Variants in CFAP300 observed in about 807,000 individuals in gnomAD.
CFAP300 encodes cilia and flagella associated protein 300.
A neutral mutation model predicts 33.0 loss-of-function variants in CFAP300; 32 were observed. The ratio of observed to expected loss-of-function variants is 0.97; its 90% CI spans 0.73 to 1.30. The LOEUF is 1.30. CFAP300 is among the 50% of genes most tolerant of loss of function. The probability of loss-of-function intolerance (pLI) is 0.00; values close to 1 mark genes in which losing one functional copy is unlikely to be tolerated. For synonymous variants in CFAP300, 102 were observed against 106.8 expected (o/e 0.95, Z 0.28); for missense variants, 356 against 318.1 (o/e 1.12, Z -0.90).
At chr11:102,049,574 A>G (rs1941938354) in intron 2 of CFAP300, among the ~76,000 whole-genome samples, 1 of 152,158 alleles carries the variant, frequency 6.6e-6, no homozygotes, top group Non-Finnish European at 1.5e-5. Context: ...TGCTACTGAT[A>G]ATGACATTAA....
intron 5 of CFAP300, among the ~76,000 whole-genome samples, chr11:102,076,732 T>A (rs1942400344): frequency 6.6e-6 from 1 of 152,228 alleles, no homozygotes; most frequent in Non-Finnish European, 1.5e-5. Flanking sequence ...AATTAGCTTC[T>A]CATTGGACTC....
At chr11:102,066,733 C>T in intron 4 of CFAP300, 82 bp downstream of exon 4, 2 of 1,148,862 alleles carry the variant, frequency 1.7e-6, no homozygotes, top group Non-Finnish European at 2.5e-6. Context: ...CTGCTTAAAG[C>T]ATAAAATACC....
chr11:102,069,037 C>T lies in CFAP300; in HGVS notation c.435+2386C>T, dbSNP rs114966333. 9.0e-3 allele frequency among the ~76,000 whole-genome samples: 1,373 copies of T among 152,250 alleles called. 22 individuals are homozygous for T. The highest frequency in any genetic ancestry group is 0.031 in the African/African-American group (1,299 of 41,532). On this transcript the variant is annotated intron_variant, in intron 4 of 6. Coordinates refer to ENST00000434758, the MANE Select transcript of CFAP300 (RefSeq NM_032930.3). ...CTACAGAAAGAGCATCATCAGTGGA[C>T]ATTTTTTTTAAAAAAGAAGTATTAG...
Position 102,066,529 on chromosome 11 carries a change from C to T in CFAP300, c.313C>T (p.Gln105Ter). ...TGAAGCTATAAATGTTCCTTGCACA[C>T]AGCTTTCAATGTCATTTTTTCATCG... is the stretch of plus-strand genomic sequence containing the variant. ...KIEAINVPCT[Q>*]LSMSFFHRLY... Residue 105 changes from glutamine to a stop codon, truncating the protein, a stop_gained, in exon 4 of 7, where the codon CAG (glutamine) becomes TAG (stop). Transcript: ENST00000434758. LOFTEE classifies it high-confidence loss of function. The T allele has an allele frequency of 1.4e-5, 22 of 1,611,052 alleles. No homozygotes were observed. Among genetic ancestry groups the T allele is most frequent in the Non-Finnish European group, 1.8e-5 (21 of 1,179,050 alleles).
rs200678336 is a variant in CFAP300, at chr11:102,065,838, A to G, written c.269-647A>G. The stretch of plus-strand genomic sequence containing the variant: ...TAAAAAATCATACGAAGCAATTCCT[A>G]TGCTTTTATAGGCAATTCTGATAAT... On this transcript the variant is annotated intron_variant, in intron 3 of 6. Transcript: ENST00000434758. Among the ~76,000 whole-genome samples the G allele has an allele frequency of 1.2e-4, 19 of 152,294 alleles. 1 individual carries two copies. The East Asian group carries it at 3.7e-3, about 29-fold the overall frequency.
chr11:102,051,872 G>A (rs989496132), intron 2 of CFAP300, among the ~76,000 whole-genome samples: 1 of 152,070 alleles, frequency 6.6e-6, no homozygotes, highest in Non-Finnish European at 1.5e-5. Context: ...TATGAAACAA[G>A]TTTATTTAAC....
rs191573391 is a variant in CFAP300 at position 102,058,968 on chromosome 11, T to C, written c.268+13T>C. Reference sequence around the variant, plus strand: ...TGGATCATATTAGGTAAATAAAATTTTCATCTTTTCAGATACTATTTTACT... The same window carrying C: ...TGGATCATATTAGGTAAATAAAATTCTCATCTTTTCAGATACTATTTTACT... On this transcript the variant is annotated intron_variant, in intron 3 of 6. Transcript: ENST00000434758. 4,437 of 1,448,906 alleles carry C rather than the reference T, an allele frequency of 3.1e-3. 11 individuals are homozygous for C. Among genetic ancestry groups the C allele is most frequent in the Admixed American group, 5.2e-3 (226 of 43,404 alleles). The allele number at this position is 1,448,906 out of a possible 1,614,324, so 89.8% of individuals were successfully genotyped here.
intron 4 of CFAP300, among the ~76,000 whole-genome samples, chr11:102,074,991 A>G (rs1376486065): frequency 6.6e-6 from 1 of 151,988 alleles, no homozygotes; most frequent in African/African-American, 2.4e-5. Flanking sequence ...ATAGGCACAA[A>G]CCACCATGCC....
intron 3 of CFAP300, among the ~76,000 whole-genome samples, chr11:102,059,420 G>A (rs527633438): frequency 4.6e-5 from 7 of 151,980 alleles, no homozygotes; most frequent in Admixed American, 2.0e-4. Context: ...AGGCTGAGGC[G>A]GGCGGATCAC....
intron 3 of CFAP300, among the ~76,000 whole-genome samples, chr11:102,065,964 T>C (rs1246956119): frequency 7.0e-6 from 1 of 142,222 alleles, no homozygotes; most frequent in African/African-American, 2.7e-5. Flanking sequence ...TGAGATTTTG[T>C]TATAAACTTT....
chr11:102,047,948 C>T, intron 2 of CFAP300, 52 bp downstream of exon 2: 2 of 1,564,354 alleles, frequency 1.3e-6, no homozygotes, highest in East Asian at 2.3e-5. Flanking sequence ...TTTTAAACTT[C>T]CCCCCAAGTT....
chr11:102,056,402 TAA>T (rs1366358751), intron 2 of CFAP300, among the ~76,000 whole-genome samples: 2 of 152,230 alleles, frequency 1.3e-5, no homozygotes, highest in Non-Finnish European at 2.9e-5. Context: ...CAGAGGGTTA[TAA>T]AGATTCACAC....
chr11:102,059,700 G>A (rs1459709162), intron 3 of CFAP300, among the ~76,000 whole-genome samples: 1 of 152,058 alleles, frequency 6.6e-6, no homozygotes, highest in Non-Finnish European at 1.5e-5. Context: ...TCTGCCCAGA[G>A]GGAAAAGATC....
rs142104053 is a variant in CFAP300, at chr11:102,054,458, C to T, written c.193-4422C>T. Reference sequence around the variant, plus strand: ...AGTAGATAAGAGAAGTGAGGCTGGGCTCGGTGGTGCACGCCTGTAATCCCA... The same window carrying T: ...AGTAGATAAGAGAAGTGAGGCTGGGTTCGGTGGTGCACGCCTGTAATCCCA... On this transcript the variant is annotated intron_variant, in intron 2 of 6. Coordinates refer to ENST00000434758, the MANE Select transcript of CFAP300 (RefSeq NM_032930.3). 4.7e-4 allele frequency among the ~76,000 whole-genome samples: 72 copies of T among 152,060 alleles called. 1 individual carries two copies. Among genetic ancestry groups the T allele is most frequent in the African/African-American group, 1.7e-3 (70 of 41,470 alleles).
chr11:102,077,450 T>C (rs545152232), intron 5 of CFAP300, among the ~76,000 whole-genome samples: 2 of 152,372 alleles, frequency 1.3e-5, no homozygotes, highest in South Asian at 4.1e-4. Flanking sequence ...GGGAGCACAC[T>C]ACAGCGTGTG....
At chr11:102,069,734 C>T (rs528203551) in intron 4 of CFAP300, among the ~76,000 whole-genome samples, 41 of 152,072 alleles carry the variant, frequency 2.7e-4, no homozygotes, top group Non-Finnish European at 8.8e-5. Flanking sequence ...ACCCAGGAGG[C>T]GGAGGTTGCA....
At chr11:102,065,899 A>G (rs1444454578) in intron 3 of CFAP300, among the ~76,000 whole-genome samples, 2 of 152,134 alleles carry the variant, frequency 1.3e-5, no homozygotes, top group East Asian at 3.8e-4. Context: ...ATTTTTTTAA[A>G]ATGTATTTCA....
At chr11:102,060,112 C>T (rs1449312919) in intron 3 of CFAP300, among the ~76,000 whole-genome samples, 2 of 152,128 alleles carry the variant, frequency 1.3e-5, no homozygotes, top group African/African-American at 2.4e-5. Flanking sequence ...GCTGGGATTA[C>T]AGGTGTGTGC....
At chr11:102,079,593 G>C (rs1942446162) in intron 5 of CFAP300, among the ~76,000 whole-genome samples, 1 of 152,120 alleles carries the variant, frequency 6.6e-6, no homozygotes, top group South Asian at 2.1e-4. Flanking sequence ...CGCTCAAACT[G>C]AGTCTTCCTT....
Sources: gnomAD v4.1 joint callset for allele counts (sites outside exome capture counted in the v4.1 genomes callset) on GRCh38, gnomAD v4.1.1 for gene constraint, MANE v1.5 for transcripts, NCBI Gene and HGNC (gene_info 2026-07-23, HGNC 2026-07-21) for gene names.